NUP93: variants seen among roughly 807,000 people sequenced by gnomAD.
NUP93 encodes the protein nucleoporin 93.
NUP93 carries 55 observed loss-of-function variants against 107.8 expected under a neutral mutation model. That is an observed-to-expected ratio of 0.51 (90% CI 0.41 to 0.64). The LOEUF is 0.64. Among genes scored for constraint, NUP93 ranks in the 30% least tolerant of loss-of-function variants. The pLI, the probability that NUP93 is intolerant of heterozygous loss-of-function variation, is 0.00. For synonymous variants in NUP93, 390 were observed against 397.5 expected (o/e 0.98, Z 0.22); for missense variants, 937 against 1,044.7 (o/e 0.90, Z 1.42).
chr16:56,824,254 CTCGTT>C (rs1274005946), intron 8 of NUP93, among the ~76,000 whole-genome samples: 2 of 152,146 alleles, frequency 1.3e-5, no homozygotes, highest in African/African-American at 4.8e-5. Flanking sequence ...CCTAGGAAAA[CTCGTT>C]TCCCCTTATT....
intron 6 of NUP93, among the ~76,000 whole-genome samples, chr16:56,821,287 C>G (rs148663426): frequency 2.6e-5 from 4 of 152,110 alleles, no homozygotes; most frequent in African/African-American, 9.7e-5. Flanking sequence ...CCCCGCTGCT[C>G]CCGTTCCTCA....
chr16:56,777,285 A>G (rs1279513306), intron 3 of NUP93, among the ~76,000 whole-genome samples: 1 of 152,140 alleles, frequency 6.6e-6, no homozygotes, highest in African/African-American at 2.4e-5. Flanking sequence ...ACCGAGGTGC[A>G]TTTCGTATCT....
At chr16:56,757,970 C>G (rs987211857) in intron 2 of NUP93, among the ~76,000 whole-genome samples, 16 of 152,108 alleles carry the variant, frequency 1.1e-4, no homozygotes, top group Middle Eastern at 3.4e-3. Flanking sequence ...ACCCGGGAGG[C>G]TGAGGCAGGA....
intron 9 of NUP93, among the ~76,000 whole-genome samples, chr16:56,830,112 A>G (rs186739424): frequency 1.9e-4 from 29 of 152,332 alleles, no homozygotes; most frequent in African/African-American, 6.7e-4. Context: ...GAGTGCTATA[A>G]GGATAGTCTC....
intron 3 of NUP93, among the ~76,000 whole-genome samples, chr16:56,791,967 A>G (rs1228294933): frequency 6.6e-6 from 1 of 152,224 alleles, no homozygotes; most frequent in African/African-American, 2.4e-5. Context: ...AATTGAAACA[A>G]AAGTTTCACA....
At chr16:56,796,604 T>A (rs1962903329) in intron 3 of NUP93, among the ~76,000 whole-genome samples, 1 of 152,252 alleles carries the variant, frequency 6.6e-6, no homozygotes, top group Admixed American at 6.5e-5. Flanking sequence ...AAGAAAACGA[T>A]TGTGTTTTAA....
At chr16:56,759,001 T>C (rs1962077401) in intron 3 of NUP93, among the ~76,000 whole-genome samples, 1 of 152,242 alleles carries the variant, frequency 6.6e-6, no homozygotes, top group South Asian at 2.1e-4. Context: ...TCAAATAATT[T>C]TACTATTCGT....
In NUP93 at chr16:56,812,098, A is replaced by G. The variant is rs970877837; in HGVS notation, c.489+6466A>G. On this transcript the variant is annotated intron_variant, in intron 5 of 21. Coordinates refer to ENST00000308159, the MANE Select transcript of NUP93 (RefSeq NM_014669.5). The stretch of plus-strand genomic sequence containing the variant: ...GTCAGGAATAAGGTCGTTGGAATAC[A>G]GAGTCAGTTAAGAAGACAGCTTCAC... 1.1e-4 allele frequency among the ~76,000 whole-genome samples: 16 copies of G among 152,354 alleles called. No homozygotes were observed. The South Asian group carries it at 3.1e-3, about 30-fold the overall frequency.
chr16:56,764,776 A>G (rs2144492076), intron 3 of NUP93, among the ~76,000 whole-genome samples: 1 of 152,362 alleles, frequency 6.6e-6, no homozygotes, highest in Non-Finnish European at 1.5e-5. Flanking sequence ...CTGGCAAAAT[A>G]TTAATATTGA....
At chr16:56,832,098 C>A in intron 11 of NUP93, 91 bp downstream of exon 11, 1 of 1,470,140 alleles carries the variant, frequency 6.8e-7, no homozygotes, top group Non-Finnish European at 9.4e-7. Context: ...TGTATGATGC[C>A]AATACAGTGA....
intron 3 of NUP93, among the ~76,000 whole-genome samples, chr16:56,767,769 T>C (rs1241516241): frequency 6.6e-6 from 1 of 152,224 alleles, no homozygotes; most frequent in Non-Finnish European, 1.5e-5. Flanking sequence ...CGTCTCTAAA[T>C]GAGCAGGGCC....
At chr16:56,837,159 G>A (rs1219993120) in intron 17 of NUP93, among the ~76,000 whole-genome samples, 1 of 152,200 alleles carries the variant, frequency 6.6e-6, no homozygotes, top group African/African-American at 2.4e-5. Flanking sequence ...TAGAATACAT[G>A]TTTCTACCGA....
At chr16:56,832,600 C>T (rs185939660) in intron 12 of NUP93, among the ~76,000 whole-genome samples, 2 of 152,330 alleles carry the variant, frequency 1.3e-5, no homozygotes, top group African/African-American at 4.8e-5. Context: ...TATGGTCATA[C>T]ACAATAATCT....
rs771046738 is a variant in NUP93 at position 56,844,518 on chromosome 16, G to A, written c.2369G>A (p.Arg790His). ...TCTCAGCAACTCCGAAGTCAAGCCC[G>A]CACTCTGATTACCTTTGCTGGAATG... is the stretch of plus-strand genomic sequence containing the variant. ...DRDSQLRSQA[R>H]TLITFAGMIP... Residue 790 changes from arginine (R) to histidine (H), a missense_variant, in exon 22 of 22, where the codon CGC becomes CAC. Coordinates refer to ENST00000308159, the MANE Select transcript of NUP93 (RefSeq NM_014669.5). 7.3e-6 allele frequency: 11 copies of A among 1,505,636 alleles called. No individual in the cohort carries two copies. The highest frequency in any genetic ancestry group is 2.7e-5 in the South Asian group (2 of 75,362). 93.3% of individuals were successfully genotyped at this position (1,505,636 alleles called of 1,614,324 possible).
At chr16:56,734,953 C>T (rs1405307958) in intron 1 of NUP93, among the ~76,000 whole-genome samples, 2 of 152,174 alleles carry the variant, frequency 1.3e-5, no homozygotes, top group African/African-American at 4.8e-5. Flanking sequence ...GGCTGTTGCC[C>T]TGCTGAAAAA....
intron 3 of NUP93, chr16:56,782,044 C>A: frequency 1.0e-6 from 1 of 985,046 alleles, no homozygotes; most frequent in Non-Finnish European, 1.2e-6. Flanking sequence ...CTCTCTTTTT[C>A]TCTTCTCTCT....
In NUP93 at chr16:56,841,773, C is replaced by A. The variant is rs1964030618; in HGVS notation, c.2289C>A (p.Leu763=). 2 of 1,614,092 alleles carry A rather than the reference C, an allele frequency of 1.2e-6. No homozygotes were observed. Among genetic ancestry groups the A allele is most frequent in the African/African-American group, 1.3e-5 (1 of 74,936 alleles). ...TCTTGTTCACACAGTTTAAGAGGCT[C>A]AAGGGGACAAGTCCATCCTCGTCAT... ...MNILFTQFKR[L]KGTSPSSSSR... Residue 763 remains leucine, a synonymous_variant, in exon 21 of 22, where the codon CTC becomes CTA. Coordinates refer to ENST00000308159, the MANE Select transcript of NUP93 (RefSeq NM_014669.5).
intron 1 of NUP93, among the ~76,000 whole-genome samples, chr16:56,734,410 T>A (rs1961580623): frequency 6.6e-6 from 1 of 152,166 alleles, no homozygotes; most frequent in African/African-American, 2.4e-5. Flanking sequence ...TACATAATCC[T>A]GGGGAAGAGT....
chr16:56,741,834 A>G (rs1171458931), intron 1 of NUP93: 2 of 152,224 alleles, frequency 1.3e-5, no homozygotes, highest in Non-Finnish European at 2.9e-5. Context: ...TACTACATAC[A>G]TTTTACTAAA....
Sources: allele counts gnomAD v4.1 joint callset (sites outside exome capture counted in the v4.1 genomes callset), GRCh38; gene constraint gnomAD v4.1.1; transcripts MANE v1.5; gene names NCBI Gene and HGNC (gene_info 2026-07-23, HGNC 2026-07-21).